PTPRD: variants seen among roughly 807,000 people sequenced by gnomAD.
PTPRD encodes the protein receptor-type tyrosine-protein phosphatase delta.
Under a neutral mutation model 214.5 loss-of-function variants are expected in PTPRD, and 34 were observed. The observed-to-expected ratio is 0.16, with a 90% CI of 0.12 to 0.21. PTPRD has a LOEUF of 0.21. PTPRD is among the 10% of genes least tolerant of loss of function. The pLI, the probability that PTPRD is intolerant of heterozygous loss-of-function variation, is 1.00. For synonymous variants in PTPRD, 1,128 were observed against 845.7 expected (o/e 1.33, Z -5.79); for missense variants, 2,545 against 2,398.7 (o/e 1.06, Z -1.27).
chr9:10,377,032 TC>T (rs1216608434), intron 2 of PTPRD, among the ~76,000 whole-genome samples: 4 of 151,646 alleles, frequency 2.6e-5, no homozygotes, highest in African/African-American at 7.3e-5. Flanking sequence ...CCATTAACCA[TC>T]CCCCCCTTCC....
chr9:8,703,242 A>C (rs2098129349), intron 12 of PTPRD, among the ~76,000 whole-genome samples: 1 of 152,184 alleles, frequency 6.6e-6, no homozygotes. Context: ...AAATATGATA[A>C]AGTCTAGAAG....
At chr9:9,940,628 G>A (rs1239065434) in intron 4 of PTPRD, among the ~76,000 whole-genome samples, 1 of 152,034 alleles carries the variant, frequency 6.6e-6, no homozygotes, top group African/African-American at 2.4e-5. Flanking sequence ...CATACCTGGA[G>A]GCTATAATAT....
At chr9:9,240,647 A>G (rs1486783782) in intron 9 of PTPRD, among the ~76,000 whole-genome samples, 2 of 152,186 alleles carry the variant, frequency 1.3e-5, no homozygotes, top group East Asian at 3.9e-4. Flanking sequence ...ATATTAAAAT[A>G]TATGGAAGCA....
At chr9:8,705,419 T>C (rs1195026740) in intron 12 of PTPRD, among the ~76,000 whole-genome samples, 1 of 152,170 alleles carries the variant, frequency 6.6e-6, no homozygotes, top group African/African-American at 2.4e-5. Flanking sequence ...GAAACAAAAG[T>C]ATTCTATAAT....
chr9:9,751,029 C>T (rs112824787), intron 6 of PTPRD, among the ~76,000 whole-genome samples: 123 of 152,192 alleles, frequency 8.1e-4, no homozygotes, highest in African/African-American at 2.6e-3. Flanking sequence ...GCAACTTACA[C>T]GACTTCAGAA....
At chr9:9,961,570 T>C (rs1006707479) in intron 4 of PTPRD, among the ~76,000 whole-genome samples, 4 of 152,142 alleles carry the variant, frequency 2.6e-5, no homozygotes, top group African/African-American at 9.7e-5. Flanking sequence ...ATTTTGGAGG[T>C]TAAATACTGA....
chr9:8,751,161 A>G lies in PTPRD; in HGVS notation c.-103-17215T>C, dbSNP rs2093482091. ...CAGCTGCCCTTCTCTGTTCCTACAC[A>G]GCAACCTGCCCTACAAAATCAAATG... On this transcript the variant is annotated intron_variant, in intron 11 of 45. Transcript: ENST00000381196. 3.9e-5 allele frequency among the ~76,000 whole-genome samples: 6 copies of G among 152,324 alleles called. No homozygotes were observed. In the South Asian group the frequency reaches 1.2e-3, roughly 32 times the overall value.
chr9:10,507,183 A>C (rs1053279239), intron 2 of PTPRD, among the ~76,000 whole-genome samples: 1 of 152,128 alleles, frequency 6.6e-6, no homozygotes, highest in African/African-American at 2.4e-5. Flanking sequence ...ATCATGAGTG[A>C]ACTCCCATTC....
intron 14 of PTPRD, among the ~76,000 whole-genome samples, chr9:8,608,091 A>G (rs984681964): frequency 1.3e-5 from 2 of 151,502 alleles, no homozygotes; most frequent in African/African-American, 4.9e-5. Flanking sequence ...TTCCGCATAT[A>G]GCTGAGAATA....
intron 44 of PTPRD, among the ~76,000 whole-genome samples, chr9:8,329,497 G>C (rs992329918): frequency 2.0e-5 from 3 of 152,104 alleles, no homozygotes; most frequent in Non-Finnish European, 4.4e-5. Context: ...GGGGGTCAGG[G>C]ACCCACTTGA....
intron 2 of PTPRD, among the ~76,000 whole-genome samples, chr9:10,560,822 T>C (rs1416352125): frequency 2.0e-5 from 3 of 152,202 alleles, no homozygotes; most frequent in East Asian, 1.9e-4. Flanking sequence ...AAGTGTTCAA[T>C]AGCAACAGGA....
chr9:9,990,223 C>G (rs1422278128), intron 4 of PTPRD, among the ~76,000 whole-genome samples: 1 of 152,174 alleles, frequency 6.6e-6, no homozygotes, highest in Non-Finnish European at 1.5e-5. Flanking sequence ...GGCCAAGGTC[C>G]TCAGGTTTTC....
At chr9:10,427,115 T>TA (rs1249321193) in intron 2 of PTPRD, among the ~76,000 whole-genome samples, 2 of 151,836 alleles carry the variant, frequency 1.3e-5, no homozygotes, top group Non-Finnish European at 2.9e-5. Flanking sequence ...CTGAAGCAGA[T>TA]AAAATGTAGA....
intron 43 of PTPRD, among the ~76,000 whole-genome samples, 200 bp downstream of exon 43, chr9:8,338,699 TATGTTTGAATGAAAGCCAAACTA>T (rs1425793782): frequency 6.6e-6 from 1 of 152,032 alleles, no homozygotes; most frequent in Non-Finnish European, 1.5e-5. Context: ...TGCCAGATGT[TATGTTTGAATGAAAGCCAAACTA>T]AGGTTTGTGA....
At chr9:8,490,737 A>T (rs1468721908) in intron 27 of PTPRD, among the ~76,000 whole-genome samples, 1 of 152,176 alleles carries the variant, frequency 6.6e-6, no homozygotes, top group Non-Finnish European at 1.5e-5. Context: ...AGGTTATATG[A>T]ATCTTACGTA....
chr9:9,126,567 T>C (rs566091655), intron 10 of PTPRD, among the ~76,000 whole-genome samples: 2 of 152,344 alleles, frequency 1.3e-5, no homozygotes, highest in African/African-American at 4.8e-5. Context: ...ACATTTCAAA[T>C]ATTAAACAGT....
intron 8 of PTPRD, among the ~76,000 whole-genome samples, chr9:9,545,539 G>A (rs1030491449): frequency 6.6e-6 from 1 of 151,972 alleles, no homozygotes; most frequent in Admixed American, 6.6e-5. Flanking sequence ...TCTTTCAAAT[G>A]TGAACAATTA....
intron 14 of PTPRD, among the ~76,000 whole-genome samples, chr9:8,534,654 C>T (rs2076500996): frequency 2.0e-5 from 3 of 151,748 alleles, no homozygotes; most frequent in African/African-American, 4.8e-5. Context: ...CACACACACA[C>T]ACTAGGACTG....
At chr9:8,663,828 G>A (rs187518608) in intron 12 of PTPRD, among the ~76,000 whole-genome samples, 83 of 151,526 alleles carry the variant, frequency 5.5e-4, no homozygotes, top group African/African-American at 1.8e-3. Flanking sequence ...TACTATATTT[G>A]CTTAAATGAA....
Sources: gnomAD v4.1 joint callset for allele counts (sites outside exome capture counted in the v4.1 genomes callset) on GRCh38, gnomAD v4.1.1 for gene constraint, MANE v1.5 for transcripts, NCBI Gene and HGNC (gene_info 2026-07-23, HGNC 2026-07-21) for gene names.